AVEN: variants seen among roughly 807,000 people sequenced by gnomAD.
The protein encoded by AVEN is cell death regulator Aven.
Under a neutral mutation model 38.1 loss-of-function variants are expected in AVEN, and 41 were observed. The ratio of observed to expected loss-of-function variants is 1.08; its 90% CI spans 0.84 to 1.40. The LOEUF is 1.40. Among genes scored for constraint, AVEN ranks in the 40% most tolerant of loss-of-function variants. AVEN has a pLI of 0.00. For synonymous variants in AVEN, 206 were observed against 171.8 expected, an observed-to-expected ratio of 1.20 and a Z score of -1.56; for missense variants, 605 against 438.8, an observed-to-expected ratio of 1.38 and a Z score of -3.38.
At position 33,867,508 on chromosome 15, in the gene AVEN, G is replaced by A; in HGVS notation, c.960C>T (p.Val320=). Residue 320 remains valine (V), a synonymous_variant, in exon 5 of 6, where the codon GTC becomes GTT. Transcript: ENST00000306730. ...TGAAAGCCATACCTTCTTCCTCTTG[G>A]ACCACCTCCCCATCTTCCTTGGATT... ...DLKSKEDGEV[V]QEEEVCAKPS... 1.9e-6 allele frequency: 3 copies of A among 1,578,164 alleles called. No homozygotes were observed. The highest frequency in any genetic ancestry group is 2.6e-6 in the Non-Finnish European group (3 of 1,165,590).
rs559026529 is a variant in AVEN, at chr15:33,892,790, C to T, written c.446-16795G>A. On this transcript the variant is annotated intron_variant, in intron 2 of 5. Coordinates refer to ENST00000306730, the MANE Select transcript of AVEN (RefSeq NM_020371.3). ...CATTGGTAGCTTGATGGGGATGGCA[C>T]TGAATCTATAAATTACCTTGGGCAG... 2.7e-4 allele frequency among the ~76,000 whole-genome samples: 41 copies of T among 151,954 alleles called. 1 individual carries two copies. Among genetic ancestry groups the T allele is most frequent in the Admixed American group, 2.2e-3 (33 of 15,234 alleles).
chr15:33,963,670 G>A (rs1369462774), intron 2 of AVEN, among the ~76,000 whole-genome samples: 1 of 151,652 alleles, frequency 6.6e-6, no homozygotes, highest in South Asian at 2.1e-4. Flanking sequence ...GATGGTGGGC[G>A]CCTATAATCC....
At chr15:33,907,586 C>A (rs1263776161) in intron 2 of AVEN, among the ~76,000 whole-genome samples, 2 of 152,150 alleles carry the variant, frequency 1.3e-5, no homozygotes, top group East Asian at 3.8e-4. Context: ...TAATGTATCA[C>A]AGCCTTGGAA....
chr15:33,941,486 T>A (rs531686866), intron 2 of AVEN, among the ~76,000 whole-genome samples: 2 of 152,334 alleles, frequency 1.3e-5, no homozygotes, highest in Admixed American at 1.3e-4. Context: ...CCACCAGCTG[T>A]CTGGTCCAAG....
chr15:34,046,027 G>A (rs1899668810), intron 5 of AVEN, among the ~76,000 whole-genome samples: 1 of 152,160 alleles, frequency 6.6e-6, no homozygotes, highest in Non-Finnish European at 1.5e-5. Flanking sequence ...GATGAAAAAT[G>A]GGAACTGTTA....
chr15:33,871,234 A>G (rs989259356), intron 3 of AVEN, among the ~76,000 whole-genome samples: 1 of 152,162 alleles, frequency 6.6e-6, no homozygotes, highest in South Asian at 2.1e-4. Context: ...CACAGCTCAC[A>G]CTGTCAGAGC....
At chr15:33,923,767 G>T (rs1475529670) in intron 2 of AVEN, among the ~76,000 whole-genome samples, 1 of 151,826 alleles carries the variant, frequency 6.6e-6, no homozygotes, top group Non-Finnish European at 1.5e-5. Flanking sequence ...GGGAGAGTGA[G>T]CAAAGCTTCA....
chr15:33,861,866 C>T (rs373950651), downstream of AVEN, among the ~76,000 whole-genome samples: 1 of 152,136 alleles, frequency 6.6e-6, no homozygotes, highest in Non-Finnish European at 1.5e-5. Context: ...CTCAGGTGAT[C>T]TGCCTGCCTC....
chr15:34,058,148 A>C (rs182476983), intron 5 of AVEN, among the ~76,000 whole-genome samples: 1 of 152,260 alleles, frequency 6.6e-6, no homozygotes, highest in Non-Finnish European at 1.5e-5. Context: ...AAATGATCGA[A>C]TGAGGCCTAC....
At chr15:33,857,131 C>G (rs181656678), downstream of AVEN, among the ~76,000 whole-genome samples, 7 of 152,306 alleles carry the variant, frequency 4.6e-5, no homozygotes, top group Admixed American at 1.3e-4. Context: ...ATGCCCTATA[C>G]ATTAGTCTGC....
chr15:33,942,570 C>G (rs551808097), intron 2 of AVEN, among the ~76,000 whole-genome samples: 220 of 152,212 alleles, frequency 1.4e-3, no homozygotes, highest in African/African-American at 4.9e-3. Flanking sequence ...CCTGCCTCAG[C>G]CTCCCAAGTA....
At chr15:33,916,631 C>T (rs1033045852) in intron 2 of AVEN, among the ~76,000 whole-genome samples, 1 of 152,000 alleles carries the variant, frequency 6.6e-6, no homozygotes, top group Admixed American at 6.6e-5. Context: ...ATCAAAACCA[C>T]AATGCAATAC....
chr15:33,919,439 A>T (rs1893299737), intron 2 of AVEN, among the ~76,000 whole-genome samples: 2 of 152,212 alleles, frequency 1.3e-5, no homozygotes, highest in Admixed American at 6.5e-5. Context: ...TGTATATCAG[A>T]ATCATCTGAA....
At chr15:33,946,113 G>A (rs1894501127) in intron 2 of AVEN, among the ~76,000 whole-genome samples, 1 of 152,106 alleles carries the variant, frequency 6.6e-6, no homozygotes, top group Non-Finnish European at 1.5e-5. Flanking sequence ...CCAGCTTCTG[G>A]TTAAACAGAG....
chr15:33,961,681 C>A (rs555200254), intron 2 of AVEN, among the ~76,000 whole-genome samples: 2 of 151,352 alleles, frequency 1.3e-5, no homozygotes, highest in East Asian at 3.9e-4. Flanking sequence ...GGCGTGGTGG[C>A]GGGCACCTGT....
At chr15:33,929,016 A>C (rs1893738087) in intron 2 of AVEN, among the ~76,000 whole-genome samples, 1 of 152,178 alleles carries the variant, frequency 6.6e-6, no homozygotes, top group South Asian at 2.1e-4. Flanking sequence ...AGAAACTCAA[A>C]GTGACAGTCA....
At chr15:33,900,736 T>G (rs907723624) in intron 2 of AVEN, among the ~76,000 whole-genome samples, 7 of 152,198 alleles carry the variant, frequency 4.6e-5, no homozygotes, top group Admixed American at 3.9e-4. Context: ...TTGACATTTA[T>G]CTATAGGTGA....
chr15:34,000,035 C>T (rs1281006385), intron 2 of AVEN, among the ~76,000 whole-genome samples: 1 of 152,176 alleles, frequency 6.6e-6, no homozygotes, highest in Non-Finnish European at 1.5e-5. Context: ...ATTCCCTATC[C>T]TCCTATCTCA....
intron 1 of AVEN, among the ~76,000 whole-genome samples, chr15:34,017,493 T>TG (rs1555516599): frequency 1.6e-4 from 16 of 97,646 alleles, no homozygotes; most frequent in Non-Finnish European, 4.2e-4. Flanking sequence ...TGTTTTTTTT[T>TG]TTTTTTTGAG....
Sources: allele counts gnomAD v4.1 joint callset (sites outside exome capture counted in the v4.1 genomes callset), GRCh38; gene constraint gnomAD v4.1.1; transcripts MANE v1.5; gene names NCBI Gene and HGNC (gene_info 2026-07-23, HGNC 2026-07-21).